Variants in OR9Q1 observed in about 807,000 individuals in gnomAD.
OR9Q1 encodes olfactory receptor 9Q1.
For synonymous variants in OR9Q1, 153 were observed against 148.6 expected, an observed-to-expected ratio of 1.03 and a Z score of -0.22; for missense variants, 374 against 378.8, an observed-to-expected ratio of 0.99 and a Z score of 0.11.
At chr11:58,156,372 T>A (rs1590619990) in intron 2 of OR9Q1, among the ~76,000 whole-genome samples, 1 of 152,202 alleles carries the variant, frequency 6.6e-6, no homozygotes, top group African/African-American at 2.4e-5. Context: ...GATCTGCTGC[T>A]ACCTTGTGTG....
intron 2 of OR9Q1, chr11:58,073,171 C>A (rs769400411): frequency 4.5e-6 from 1 of 223,586 alleles, no homozygotes; most frequent in South Asian, 8.4e-5. Context: ...CATAATTAGT[C>A]ACAATGAATG....
At chr11:58,141,922 G>A (rs1854253601) in intron 2 of OR9Q1, among the ~76,000 whole-genome samples, 1 of 152,166 alleles carries the variant, frequency 6.6e-6, no homozygotes, top group Admixed American at 6.6e-5. Flanking sequence ...TCTGAACAAT[G>A]TTGCCTGGAA....
chr11:58,155,193 A>C (rs912473804), intron 2 of OR9Q1, among the ~76,000 whole-genome samples: 14 of 152,128 alleles, frequency 9.2e-5, no homozygotes, highest in African/African-American at 3.4e-4. Context: ...TAGAGGAAGA[A>C]TTCATTATTT....
intron 2 of OR9Q1, among the ~76,000 whole-genome samples, chr11:58,130,572 G>A (rs573631561): frequency 3.9e-5 from 6 of 152,026 alleles, no homozygotes; most frequent in Non-Finnish European, 8.8e-5. Flanking sequence ...TGGATGGATT[G>A]CTTGAGGCTA....
intron 2 of OR9Q1, among the ~76,000 whole-genome samples, chr11:58,105,667 G>C (rs2120096311): frequency 6.6e-6 from 1 of 152,084 alleles, no homozygotes; most frequent in South Asian, 2.1e-4. Flanking sequence ...AACCACTATT[G>C]TATTTTCCGC....
chr11:58,179,583 A>T lies in OR9Q1; in HGVS notation c.139A>T (p.Ile47Phe). 1 of 1,613,860 alleles carries T rather than the reference A, an allele frequency of 6.2e-7. No homozygotes were observed. The highest frequency in any genetic ancestry group is 2.2e-5 in the East Asian group (1 of 44,882). The change falls in exon 3 of 3, where the codon ATT (isoleucine) becomes TTT (phenylalanine). Residue 47 changes from isoleucine to phenylalanine, a missense_variant. By Grantham distance (21) the Ile-to-Phe change is conservative. Coordinates refer to ENST00000335397, the MANE Select transcript of OR9Q1 (RefSeq NM_001005212.4). Reference sequence around the variant, plus strand: ...CGTATTGGGGAACTTAGAGATGATTATTCTGATCCTCATGGATCACCAGCT... The same window carrying T: ...CGTATTGGGGAACTTAGAGATGATTTTTCTGATCCTCATGGATCACCAGCT... The part of the protein sequence containing the change: ...ITVLGNLEMI[I>F]LILMDHQLHA...
chr11:58,060,555 G>C (rs1311172481), intron 2 of OR9Q1, among the ~76,000 whole-genome samples: 1 of 152,152 alleles, frequency 6.6e-6, no homozygotes, highest in Non-Finnish European at 1.5e-5. Context: ...GGCAGACCTA[G>C]TGGGTGCCCA....
chr11:58,036,586 GA>G (rs1853102862), intron 1 of OR9Q1, among the ~76,000 whole-genome samples: 1 of 152,228 alleles, frequency 6.6e-6, no homozygotes, highest in Non-Finnish European at 1.5e-5. Flanking sequence ...GTGCCATTAA[GA>G]GCACTCATGA....
At chr11:58,167,485 G>A (rs981795586) in intron 2 of OR9Q1, among the ~76,000 whole-genome samples, 2 of 152,056 alleles carry the variant, frequency 1.3e-5, no homozygotes, top group Non-Finnish European at 2.9e-5. Flanking sequence ...AGCTTGTCGT[G>A]TTTTATCAAT....
chr11:58,040,017 G>A (rs977039778), intron 1 of OR9Q1, among the ~76,000 whole-genome samples: 1 of 152,158 alleles, frequency 6.6e-6, no homozygotes, highest in Non-Finnish European at 1.5e-5. Flanking sequence ...CATGAAGTCA[G>A]TGCTATTATT....
At chr11:58,135,921 A>T (rs1854184877) in intron 2 of OR9Q1, among the ~76,000 whole-genome samples, 1 of 152,146 alleles carries the variant, frequency 6.6e-6, no homozygotes, top group Non-Finnish European at 1.5e-5. Context: ...TCATCTTCCC[A>T]TGCACTTTCT....
intron 2 of OR9Q1, among the ~76,000 whole-genome samples, chr11:58,122,046 G>A (rs1213158724): frequency 6.6e-6 from 1 of 152,116 alleles, no homozygotes; most frequent in African/African-American, 2.4e-5. Flanking sequence ...TTTCACCTAA[G>A]GTCTAATTCC....
At chr11:58,119,040 G>A (rs1305370112) in intron 2 of OR9Q1, 4 of 1,613,870 alleles carry the variant, frequency 2.5e-6, no homozygotes, top group African/African-American at 2.7e-5. Context: ...TGGGATTCAT[G>A]GCCACGGTAT....
intron 2 of OR9Q1, among the ~76,000 whole-genome samples, chr11:58,152,714 T>A (rs1371496190): frequency 6.6e-6 from 1 of 152,250 alleles, no homozygotes; most frequent in Non-Finnish European, 1.5e-5. Context: ...TTTGATGTAG[T>A]TAGATTTATT....
At chr11:58,148,108 GC>G (rs1854316418) in intron 2 of OR9Q1, among the ~76,000 whole-genome samples, 1 of 152,076 alleles carries the variant, frequency 6.6e-6, no homozygotes, top group Admixed American at 6.6e-5. Flanking sequence ...TCACCAAGAG[GC>G]CAAAGTACTA....
At chr11:58,070,845 C>T (rs1021024703) in intron 2 of OR9Q1, among the ~76,000 whole-genome samples, 10 of 152,266 alleles carry the variant, frequency 6.6e-5, no homozygotes, top group African/African-American at 2.2e-4. Flanking sequence ...TTTGTTTGTC[C>T]TCTGGGCCTC....
At chr11:58,068,460 C>T (rs2443448) in intron 2 of OR9Q1, among the ~76,000 whole-genome samples, 21,695 of 152,128 alleles carry the variant, frequency 0.14, 2,624 homozygotes, top group African/African-American at 0.29. Flanking sequence ...CCTCCAACAG[C>T]CCACGGGAAT....
intron 2 of OR9Q1, among the ~76,000 whole-genome samples, chr11:58,158,885 A>T (rs1351181341): frequency 6.6e-6 from 1 of 152,230 alleles, no homozygotes; most frequent in Non-Finnish European, 1.5e-5. Flanking sequence ...GCTAATGTGC[A>T]GAGAGAAGCA....
At chr11:58,054,888 C>T (rs1304987074) in intron 1 of OR9Q1, among the ~76,000 whole-genome samples, 1 of 152,186 alleles carries the variant, frequency 6.6e-6, no homozygotes. Flanking sequence ...CGCACCACTG[C>T]ACTCCAGCCT....
Sources: gnomAD v4.1 joint callset for allele counts (sites outside exome capture counted in the v4.1 genomes callset) on GRCh38, gnomAD v4.1.1 for gene constraint, MANE v1.5 for transcripts, NCBI Gene and HGNC (gene_info 2026-07-23, HGNC 2026-07-21) for gene names.